NBEA: variants seen among roughly 807,000 people sequenced by gnomAD.
NBEA encodes the protein neurobeachin.
NBEA carries 44 observed loss-of-function variants against 343.4 expected under a neutral mutation model. The ratio of observed to expected loss-of-function variants is 0.13; its 90% CI spans 0.10 to 0.16. The LOEUF (loss-of-function observed/expected upper bound fraction) is 0.16, where lower values mean the gene tolerates loss of function less well. NBEA is among the 10% of genes least tolerant of loss of function. The probability of loss-of-function intolerance (pLI) is 1.00; values close to 1 mark genes in which losing one functional copy is unlikely to be tolerated. For missense variants in NBEA, 2,555 were observed against 3,631.3 expected, an observed-to-expected ratio of 0.70 and a Z score of 7.62; for synonymous variants, 1,175 against 1,238.7, an observed-to-expected ratio of 0.95 and a Z score of 1.08.
At chr13:35,484,663 G>GA (rs1317455938) in intron 41 of NBEA, among the ~76,000 whole-genome samples, 1 of 151,962 alleles carries the variant, frequency 6.6e-6, no homozygotes. Flanking sequence ...GACAGAAAAA[G>GA]AAAAAATACA....
At chr13:35,622,750 GAA>G (rs898334351) in intron 48 of NBEA, among the ~76,000 whole-genome samples, 3 of 152,036 alleles carry the variant, frequency 2.0e-5, no homozygotes, top group Non-Finnish European at 1.5e-5. Context: ...GACGTAATGA[GAA>G]AAAGGGATGG....
Position 35,377,255 on chromosome 13 carries a change from C to A in NBEA, c.6179+24932C>A, listed in dbSNP as rs139631972. On this transcript the variant is annotated intron_variant, in intron 38 of 58. Coordinates refer to ENST00000379939, the MANE Select transcript of NBEA (RefSeq NM_001385012.1). ...TCTAATAAACAGCAAGGAGCAGCAGCAGCAATGGTGAAACACAGGGCTGGG... is the reference window on the plus strand; with the variant it reads ...TCTAATAAACAGCAAGGAGCAGCAGAAGCAATGGTGAAACACAGGGCTGGG... Among the ~76,000 whole-genome samples, 80 of 152,220 alleles carry A rather than the reference C, an allele frequency of 5.3e-4. No homozygotes were observed. In the Middle Eastern group the frequency reaches 0.01, roughly 19 times the overall value.
At chr13:35,195,181 A>G (rs1264376432) in intron 30 of NBEA, among the ~76,000 whole-genome samples, 1 of 152,110 alleles carries the variant, frequency 6.6e-6, no homozygotes, top group Non-Finnish European at 1.5e-5. Flanking sequence ...GAAATATAAG[A>G]ATTTCTCTTC....
Position 35,023,738 on chromosome 13 carries a change from A to G in NBEA, c.295-17195A>G, listed in dbSNP as rs2061924584. On this transcript the variant is annotated intron_variant, in intron 1 of 58. Transcript: ENST00000379939. The stretch of plus-strand genomic sequence containing the variant: ...AGTAGAACATGGCAGAAGTGAGCTT[A>G]GGAAGACTGGGCAGGTCAGATCTTG... Among the ~76,000 whole-genome samples, 3 of 152,216 alleles carry G rather than the reference A, an allele frequency of 2.0e-5. No homozygotes were observed. In the South Asian group the frequency reaches 6.2e-4, roughly 31 times the overall value.
At chr13:34,974,815 A>G (rs555596958) in intron 1 of NBEA, among the ~76,000 whole-genome samples, 69 of 152,364 alleles carry the variant, frequency 4.5e-4, no homozygotes, top group African/African-American at 1.5e-3. Flanking sequence ...TGTGGACTAC[A>G]GCAATATTCT....
At chr13:35,617,850 T>C (rs1192683793) in intron 48 of NBEA, among the ~76,000 whole-genome samples, 3 of 152,262 alleles carry the variant, frequency 2.0e-5, no homozygotes, top group Admixed American at 2.0e-4. Flanking sequence ...TCTACATATG[T>C]TCATACTTGC....
intron 12 of NBEA, among the ~76,000 whole-genome samples, chr13:35,110,601 A>G (rs2066153407): frequency 6.6e-6 from 1 of 152,072 alleles, no homozygotes; most frequent in South Asian, 2.1e-4. Flanking sequence ...GACTACCTCT[A>G]TTATGAGTTT....
rs966507581 is a variant in NBEA at position 35,173,295 on chromosome 13, T to C, written c.4424-169T>C. Reference sequence around the variant, plus strand: ...ACTATATGTATATTTTGTAGGTACTTTCACTACTGTATTTCATAATTTTGA... The same window carrying C: ...ACTATATGTATATTTTGTAGGTACTCTCACTACTGTATTTCATAATTTTGA... On this transcript the variant is annotated intron_variant, in intron 26 of 58. Coordinates refer to ENST00000379939, the MANE Select transcript of NBEA (RefSeq NM_001385012.1). 3.0e-4 allele frequency among the ~76,000 whole-genome samples: 46 copies of C among 152,232 alleles called. 1 individual carries two copies. The highest frequency in any genetic ancestry group is 1.0e-3 in the African/African-American group (43 of 41,544).
At chr13:35,666,159 A>ATT (rs34178740) in intron 56 of NBEA, among the ~76,000 whole-genome samples, 2 of 151,016 alleles carry the variant, frequency 1.3e-5, no homozygotes, top group East Asian at 2.0e-4. Flanking sequence ...AGCATTTGCA[A>ATT]TTTTTTTTTA....
intron 47 of NBEA, among the ~76,000 whole-genome samples, chr13:35,596,666 G>A (rs979680064): frequency 6.6e-6 from 1 of 152,114 alleles, no homozygotes; most frequent in Admixed American, 6.6e-5. Flanking sequence ...CCTAGTCTTG[G>A]TAACAATGAC....
At chr13:35,270,218 T>G (rs1159352096) in intron 34 of NBEA, among the ~76,000 whole-genome samples, 1 of 152,212 alleles carries the variant, frequency 6.6e-6, no homozygotes, top group Non-Finnish European at 1.5e-5. Context: ...AACCTCCACA[T>G]AGAGAAATTA....
At chr13:35,364,541 A>G (rs2040995086) in intron 38 of NBEA, among the ~76,000 whole-genome samples, 1 of 151,798 alleles carries the variant, frequency 6.6e-6, no homozygotes, top group East Asian at 1.9e-4. Flanking sequence ...AAAGGATGGG[A>G]CATTGTAGGA....
intron 24 of NBEA, among the ~76,000 whole-genome samples, chr13:35,168,159 T>C (rs2070182455): frequency 6.6e-6 from 1 of 151,794 alleles, no homozygotes; most frequent in African/African-American, 2.4e-5. Context: ...GATCATACTT[T>C]ACTATTCTCA....
intron 39 of NBEA, among the ~76,000 whole-genome samples, chr13:35,440,499 G>A (rs2152936604): frequency 6.6e-6 from 1 of 152,280 alleles, no homozygotes; most frequent in South Asian, 2.1e-4. Flanking sequence ...ATATATTTTA[G>A]CTGGAGTCGA....
At chr13:35,590,709 C>G (rs1363681370) in intron 46 of NBEA, among the ~76,000 whole-genome samples, 1 of 151,976 alleles carries the variant, frequency 6.6e-6, no homozygotes, top group Non-Finnish European at 1.5e-5. Context: ...CAAGCCTGAT[C>G]CCTCTAAATT....
At chr13:35,369,495 A>G (rs1334826018) in intron 38 of NBEA, among the ~76,000 whole-genome samples, 2 of 151,832 alleles carry the variant, frequency 1.3e-5, no homozygotes, top group South Asian at 2.1e-4. Flanking sequence ...GATATTAACA[A>G]TGTTAATTTT....
chr13:35,032,827 C>A (rs1437346169), intron 1 of NBEA, among the ~76,000 whole-genome samples: 1 of 151,664 alleles, frequency 6.6e-6, no homozygotes, highest in African/African-American at 2.4e-5. Flanking sequence ...CTATTTAAAT[C>A]TTTTGCTCAT....
chr13:35,213,358 A>C (rs944533554), intron 33 of NBEA, among the ~76,000 whole-genome samples: 3 of 152,052 alleles, frequency 2.0e-5, no homozygotes, highest in African/African-American at 7.2e-5. Flanking sequence ...CCTTAGGTTT[A>C]ATAAATATTG....
At chr13:35,421,984 A>G (rs570837645) in intron 38 of NBEA, among the ~76,000 whole-genome samples, 17 of 152,082 alleles carry the variant, frequency 1.1e-4, no homozygotes, top group African/African-American at 3.9e-4. Context: ...GTGTCTTAGC[A>G]TGGACTTCCA....
Sources: allele counts gnomAD v4.1 joint callset (sites outside exome capture counted in the v4.1 genomes callset), GRCh38; gene constraint gnomAD v4.1.1; transcripts MANE v1.5; gene names NCBI Gene and HGNC (gene_info 2026-07-23, HGNC 2026-07-21).